Variants in TSPAN15 observed in about 807,000 individuals in gnomAD.
TSPAN15 encodes tetraspanin 15.
A neutral mutation model predicts 34.5 loss-of-function variants in TSPAN15; 20 were observed. That is an observed-to-expected ratio of 0.58 (90% CI 0.41 to 0.84). The LOEUF (loss-of-function observed/expected upper bound fraction) is 0.84. Among genes scored for constraint, TSPAN15 ranks in the 40% least tolerant of loss-of-function variants. TSPAN15 has a pLI of 0.00. For synonymous variants in TSPAN15, 155 were observed against 153.9 expected (o/e 1.01, Z -0.05); for missense variants, 313 against 386.1 (o/e 0.81, Z 1.59).
At chr10:69,481,401 G>C (rs1043920370) in intron 1 of TSPAN15, among the ~76,000 whole-genome samples, 2 of 152,248 alleles carry the variant, frequency 1.3e-5, no homozygotes, top group Admixed American at 1.3e-4. Context: ...CTGGATCCAA[G>C]TGAGATGGTT....
At chr10:69,542,975 G>A in the TSPAN15 span, among the ~76,000 whole-genome samples, 1,341 of 152,324 alleles carry the variant, frequency 8.8e-3, 8 homozygotes, top group Non-Finnish European at 0.013. Flanking sequence ...CTGGACCAAA[G>A]TTTCCACATT....
chr10:69,544,955 G>A, the TSPAN15 span, among the ~76,000 whole-genome samples: 2 of 152,278 alleles, frequency 1.3e-5, no homozygotes, highest in African/African-American at 4.8e-5. Context: ...CCCACGCCTT[G>A]CCTCACCCTC....
rs113873710 is a variant in TSPAN15, at chr10:69,486,000, G to A, written c.357+785G>A. Among the ~76,000 whole-genome samples the A allele has an allele frequency of 4.6e-5, 7 of 152,336 alleles. 1 individual carries two copies. The highest frequency in any genetic ancestry group is 1.7e-4 in the African/African-American group (7 of 41,580). ...GCCCCTTAGAGCCAGAAAGGTTCTC[G>A]TGGCTCCCGGCTCCAGCTCCTTCAG... On this transcript the variant is annotated intron_variant, in intron 3 of 7. Transcript: ENST00000373290.
At chr10:69,492,418 A>G (rs966038051) in intron 3 of TSPAN15, among the ~76,000 whole-genome samples, 7 of 152,146 alleles carry the variant, frequency 4.6e-5, no homozygotes, top group Non-Finnish European at 8.8e-5. Flanking sequence ...CGGTACACAT[A>G]CACACGTGCA....
chr10:69,457,397 AG>A, intron 1 of TSPAN15, among the ~76,000 whole-genome samples: 1 of 152,322 alleles, frequency 6.6e-6, no homozygotes, highest in South Asian at 2.1e-4. Context: ...CAAAGTGGGC[AG>A]GGCTGATCAT....
At chr10:69,531,961 A>AAC in the TSPAN15 span, among the ~76,000 whole-genome samples, 1 of 151,220 alleles carries the variant, frequency 6.6e-6, no homozygotes, top group Non-Finnish European at 1.5e-5. Context: ...CAAAAAAAAA[A>AAC]CTTAGGAATA....
intron 1 of TSPAN15, among the ~76,000 whole-genome samples, chr10:69,458,676 C>A (rs749392133): frequency 6.6e-6 from 1 of 152,134 alleles, no homozygotes; most frequent in African/African-American, 2.4e-5. Flanking sequence ...CTCCCCTCCC[C>A]CAGTCTGGCC....
chr10:69,495,961 C>T (rs1472526127), intron 4 of TSPAN15, among the ~76,000 whole-genome samples: 1 of 152,182 alleles, frequency 6.6e-6, no homozygotes, highest in Non-Finnish European at 1.5e-5. Flanking sequence ...CTTCCTGCCC[C>T]ATACCCCCAA....
At chr10:69,511,307 G>C (rs1842412522), downstream of TSPAN15, among the ~76,000 whole-genome samples, 1 of 152,118 alleles carries the variant, frequency 6.6e-6, no homozygotes, top group South Asian at 2.1e-4. Flanking sequence ...AGTCTTGTGG[G>C]GGTGTATGTG....
At chr10:69,451,763 G>T in intron 1 of TSPAN15, 73 bp downstream of exon 1, 1 of 1,274,118 alleles carries the variant, frequency 7.8e-7, no homozygotes, top group Non-Finnish European at 1.0e-6. Context: ...CTGGCCCGGG[G>T]TTGGGTCCAC....
chr10:69,537,965 G>A, the TSPAN15 span, among the ~76,000 whole-genome samples: 1 of 152,216 alleles, frequency 6.6e-6, no homozygotes, highest in Non-Finnish European at 1.5e-5. Context: ...ATCAAGACCT[G>A]CACGGTTGAG....
intron 1 of TSPAN15, among the ~76,000 whole-genome samples, chr10:69,478,886 T>C (rs749552091): frequency 2.6e-5 from 4 of 152,256 alleles, no homozygotes; most frequent in Admixed American, 6.5e-5. Flanking sequence ...TTCAGAATAA[T>C]TGTAAAGTGA....
At chr10:69,516,794 C>T in the TSPAN15 span, among the ~76,000 whole-genome samples, 2 of 152,158 alleles carry the variant, frequency 1.3e-5, no homozygotes, top group African/African-American at 4.8e-5. Context: ...GTCAGTCTCC[C>T]CCACTGAGGG....
At chr10:69,544,783 A>G in the TSPAN15 span, among the ~76,000 whole-genome samples, 8 of 152,132 alleles carry the variant, frequency 5.3e-5, no homozygotes, top group South Asian at 1.2e-3. Flanking sequence ...CAGGGCCACA[A>G]GCGTGTCCAG....
At chr10:69,473,711 C>G (rs1322452867) in intron 1 of TSPAN15, among the ~76,000 whole-genome samples, 2 of 152,126 alleles carry the variant, frequency 1.3e-5, no homozygotes, top group Non-Finnish European at 2.9e-5. Flanking sequence ...GCCTAGGGTG[C>G]CCATGTGGCC....
chr10:69,534,566 ATG>A, the TSPAN15 span, among the ~76,000 whole-genome samples: 2 of 152,218 alleles, frequency 1.3e-5, no homozygotes, highest in Non-Finnish European at 2.9e-5. Context: ...TGTGTGTACA[ATG>A]TGGAAAAAAG....
chr10:69,476,703 C>T (rs1444241998), intron 1 of TSPAN15, among the ~76,000 whole-genome samples: 1 of 152,040 alleles, frequency 6.6e-6, no homozygotes, highest in Non-Finnish European at 1.5e-5. Context: ...AAGGCAGGGT[C>T]GACAGCAAAG....
intron 1 of TSPAN15, among the ~76,000 whole-genome samples, chr10:69,457,937 CTAAGAA>C (rs1215879233): frequency 2.0e-5 from 3 of 152,204 alleles, no homozygotes; most frequent in Non-Finnish European, 4.4e-5. Context: ...GAGCCATAGA[CTAAGAA>C]TGAGAAGGGC....
At chr10:69,532,121 C>T in the TSPAN15 span, among the ~76,000 whole-genome samples, 1 of 152,084 alleles carries the variant, frequency 6.6e-6, no homozygotes, top group Non-Finnish European at 1.5e-5. Context: ...CAAAAGCAAT[C>T]TACAAATTCA....
Sources: gnomAD v4.1 joint callset for allele counts (sites outside exome capture counted in the v4.1 genomes callset) on GRCh38, gnomAD v4.1.1 for gene constraint, MANE v1.5 for transcripts, NCBI Gene and HGNC (gene_info 2026-07-23, HGNC 2026-07-21) for gene names.